The following HDAC9 variants were observed in gnomAD, a reference collection of about 807,000 sequenced individuals.
HDAC9 encodes MEF-2 interacting transcription repressor (MITR) protein.
HDAC9 carries 41 observed loss-of-function variants against 139.4 expected under a neutral mutation model. The observed-to-expected ratio is 0.29, with a 90% CI of 0.23 to 0.38. The LOEUF is 0.38. Ranked by LOEUF, HDAC9 falls within the 10% of genes least tolerant of loss-of-function variation. HDAC9 has a pLI of 1.00. For synonymous variants in HDAC9, 517 were observed against 476.2 expected (o/e 1.09, Z -1.12); for missense variants, 1,147 against 1,297.0 (o/e 0.88, Z 1.78).
chr7:18,648,431 T>C (rs1346791382), intron 10 of HDAC9, 35 bp from the exon 11 acceptor site: 9 of 1,432,814 alleles, frequency 6.3e-6, no homozygotes, highest in Middle Eastern at 3.5e-4. Flanking sequence ...TGTGTGTGTG[T>C]GTATACACAC....
rs377713414 is a variant in HDAC9 at position 18,829,506 on chromosome 7, G to A, written c.2424G>A (p.Leu808=). ...FNSVAITAKY[L]RDQLNISKIL... is the part of the protein sequence containing the mutation. ...CAGTTGCAATTACCGCCAAATACTT[G>A]AGAGACCAACTAAATATAAGCAAGA... Residue 808 remains leucine (L), a synonymous_variant, in exon 19 of 26, where the codon TTG becomes TTA. Coordinates refer to ENST00000686413, the MANE Select transcript of HDAC9 (RefSeq NM_178425.4). 12 of 1,612,362 alleles carry A rather than the reference G, an allele frequency of 7.4e-6. No individual in the cohort carries two copies. Among genetic ancestry groups the A allele is most frequent in the Admixed American group, 5.0e-5 (3 of 59,972 alleles).
chr7:18,357,025 C>T (rs1783364704), intron 1 of HDAC9, among the ~76,000 whole-genome samples: 1 of 152,036 alleles, frequency 6.6e-6, no homozygotes, highest in South Asian at 2.1e-4. Flanking sequence ...TTAAGAAATG[C>T]CTTACCTCTT....
chr7:18,386,915 C>T (rs1009778895), intron 1 of HDAC9, among the ~76,000 whole-genome samples: 1 of 152,148 alleles, frequency 6.6e-6, no homozygotes, highest in Non-Finnish European at 1.5e-5. Context: ...ACCATGGATT[C>T]TCTCCCTTCA....
chr7:18,920,904 T>C (rs910167954), intron 22 of HDAC9, among the ~76,000 whole-genome samples: 3 of 152,048 alleles, frequency 2.0e-5, no homozygotes, highest in African/African-American at 7.2e-5. Context: ...GCCAGTATTT[T>C]ATTGAGGATT....
intron 1 of HDAC9, among the ~76,000 whole-genome samples, chr7:18,322,021 A>G (rs1383601374): frequency 1.3e-5 from 2 of 152,186 alleles, no homozygotes; most frequent in Non-Finnish European, 2.9e-5. Context: ...CTAGTGGAAT[A>G]AATGTAAAGC....
intron 1 of HDAC9, among the ~76,000 whole-genome samples, chr7:18,128,012 T>C (rs1223267413): frequency 6.6e-6 from 1 of 152,118 alleles, no homozygotes; most frequent in African/African-American, 2.4e-5. Flanking sequence ...ACTTTTACAA[T>C]ACAATTTTTA....
intron 1 of HDAC9, among the ~76,000 whole-genome samples, chr7:18,398,822 T>C (rs1320430602): frequency 1.3e-5 from 2 of 152,146 alleles, no homozygotes; most frequent in East Asian, 3.9e-4. Context: ...ATGTTTATAA[T>C]GGAAAATGCA....
chr7:18,136,637 G>A (rs545905248), intron 1 of HDAC9, among the ~76,000 whole-genome samples: 17 of 152,048 alleles, frequency 1.1e-4, no homozygotes, highest in Admixed American at 4.6e-4. Context: ...TATTTCTGAG[G>A]GCTCTGTTGT....
chr7:18,168,896 TTTGTGTGTGTG>T (rs1489133542), intron 2 of HDAC9, among the ~76,000 whole-genome samples: 1 of 118,394 alleles, frequency 8.4e-6, no homozygotes, highest in East Asian at 2.2e-4. Context: ...TTTTTTTTTT[TTTGTGTGTGTG>T]TGTGTGTGTG....
chr7:18,977,835 G>A (rs1038764691), intron 25 of HDAC9, among the ~76,000 whole-genome samples: 6 of 151,446 alleles, frequency 4.0e-5, no homozygotes, highest in Non-Finnish European at 2.9e-5. Flanking sequence ...CCCTTTTTCA[G>A]CAGAGGAAAA....
chr7:18,092,226 A>G (rs1190779540), intron 1 of HDAC9, among the ~76,000 whole-genome samples: 1 of 152,052 alleles, frequency 6.6e-6, no homozygotes, highest in East Asian at 1.9e-4. Context: ...TTGCTACAAA[A>G]AAATGCAGAA....
At chr7:18,840,094 C>A (rs1796491101) in intron 21 of HDAC9, among the ~76,000 whole-genome samples, 1 of 151,962 alleles carries the variant, frequency 6.6e-6, no homozygotes, top group Non-Finnish European at 1.5e-5. Context: ...GAGGACAATT[C>A]CTTTGTAGCC....
intron 21 of HDAC9, among the ~76,000 whole-genome samples, chr7:18,857,655 A>T (rs747211521): frequency 6.6e-6 from 1 of 152,154 alleles, no homozygotes; most frequent in Non-Finnish European, 1.5e-5. Context: ...CATCCATGCC[A>T]TCTGAACTTG....
chr7:18,835,972 G>T lies in HDAC9; in HGVS notation c.2659G>T (p.Asp887Tyr). The T allele has an allele frequency of 6.4e-7, 1 of 1,564,524 alleles. No homozygotes were observed. Among genetic ancestry groups the T allele is most frequent in the Non-Finnish European group, 8.7e-7 (1 of 1,152,622 alleles). ...AGGTGGCCTTGATCCTCCCATGGGAGATGTTGAGTACCTTGAAGCATTCAG... is the reference window on the plus strand; with the variant it reads ...AGGTGGCCTTGATCCTCCCATGGGATATGTTGAGTACCTTGAAGCATTCAG... ...WTGGLDPPMG[D>Y]VEYLEAFRTI... is the part of the protein sequence containing the mutation. The change falls in exon 21 of 26, where the codon GAT becomes TAT. Residue 887 changes from aspartate (D) to tyrosine (Y), a missense_variant. Around this residue, in one of 7 missense-constraint regions of HDAC9, gnomAD observed 407 missense variants for 521.5 expected, o/e 0.78. Coordinates refer to ENST00000686413, the MANE Select transcript of HDAC9 (RefSeq NM_178425.4).
chr7:18,790,975 T>A (rs1014781424), intron 16 of HDAC9, among the ~76,000 whole-genome samples: 5 of 152,138 alleles, frequency 3.3e-5, no homozygotes, highest in Non-Finnish European at 7.4e-5. Flanking sequence ...AAAACTACCA[T>A]TATTAGTAGA....
At chr7:18,215,144 A>C (rs1178380) in intron 2 of HDAC9, among the ~76,000 whole-genome samples, 1 of 152,164 alleles carries the variant, frequency 6.6e-6, no homozygotes, top group African/African-American at 2.4e-5. Flanking sequence ...CTATTCTATT[A>C]GACAATTTTA....
chr7:18,134,988 A>G (rs1169673450), intron 1 of HDAC9, among the ~76,000 whole-genome samples: 5 of 152,156 alleles, frequency 3.3e-5, no homozygotes, highest in South Asian at 2.1e-4. Context: ...TTTCTTATAT[A>G]TGGTTTGTAT....
At chr7:18,171,121 T>C (rs1171153134) in intron 2 of HDAC9, among the ~76,000 whole-genome samples, 1 of 152,232 alleles carries the variant, frequency 6.6e-6, no homozygotes, top group East Asian at 1.9e-4. Flanking sequence ...TTTTATTTCA[T>C]TGAGCAGTGG....
chr7:18,951,573 A>G (rs1194052897), intron 23 of HDAC9, among the ~76,000 whole-genome samples: 1 of 151,856 alleles, frequency 6.6e-6, no homozygotes, highest in Non-Finnish European at 1.5e-5. Flanking sequence ...TAACTTTTGC[A>G]TGCAAAAGTT....
Sources: allele counts gnomAD v4.1 joint callset (sites outside exome capture counted in the v4.1 genomes callset), GRCh38; gene constraint gnomAD v4.1.1; regional missense constraint gnomAD v4.1.1; transcripts MANE v1.5; gene names NCBI Gene and HGNC (gene_info 2026-07-23, HGNC 2026-07-21).